ZNF557: variants seen among roughly 807,000 people sequenced by gnomAD.
ZNF557 encodes zinc finger protein 557, also known as CTB-25J19.9.
In ZNF557, 19 loss-of-function variants were observed where a neutral mutation model predicts 21.2. The observed-to-expected ratio is 0.90, with a 90% confidence interval of 0.63 to 1.32. The LOEUF (loss-of-function observed/expected upper bound fraction) is 1.32. Among genes scored for constraint, ZNF557 ranks in the 40% most tolerant of loss-of-function variants. ZNF557 has a pLI of 0.00. For synonymous variants in ZNF557, 207 were observed against 194.8 expected, an observed-to-expected ratio of 1.06 and a Z score of -0.52; for missense variants, 487 against 519.8, an observed-to-expected ratio of 0.94 and a Z score of 0.61.
intron 3 of ZNF557, 27 bp downstream of exon 3, chr19:7,075,132 C>G (rs1401546101): frequency 1.9e-5 from 30 of 1,613,832 alleles, no homozygotes; most frequent in Non-Finnish European, 2.3e-5. Context: ...TGGCAGTTCT[C>G]AGAGTCCAGG....
At chr19:7,070,537 C>T (rs1283223069) in intron 1 of ZNF557, 25 bp from the exon 2 acceptor site, 1 of 152,124 alleles carries the variant, frequency 6.6e-6, no homozygotes, top group African/African-American at 2.4e-5. Flanking sequence ...GCCTCATAAG[C>T]GATTTTTGTG....
chr19:7,079,363 TC>T (rs1267200900), intron 5 of ZNF557, among the ~76,000 whole-genome samples: 4 of 150,130 alleles, frequency 2.7e-5, no homozygotes, highest in Non-Finnish European at 4.4e-5. Flanking sequence ...TGCCTCAGCC[TC>T]CCGAGTAGCT....
intron 2 of ZNF557, among the ~76,000 whole-genome samples, chr19:7,072,100 A>G (rs535318313): frequency 7.5e-6 from 1 of 133,578 alleles, no homozygotes; most frequent in Admixed American, 8.2e-5. Context: ...TGGGTGACAG[A>G]GCGAGACTCC....
intron 5 of ZNF557, among the ~76,000 whole-genome samples, chr19:7,079,763 G>A (rs1239863251): frequency 2.0e-5 from 3 of 152,106 alleles, no homozygotes; most frequent in Non-Finnish European, 4.4e-5. Context: ...TGTTCAGCTT[G>A]GGATTAATTT....
chr19:7,078,841 T>G (rs909355190), intron 5 of ZNF557, among the ~76,000 whole-genome samples: 1 of 152,190 alleles, frequency 6.6e-6, no homozygotes, highest in Non-Finnish European at 1.5e-5. Context: ...TAGGCTCTGT[T>G]CATTTTTTTC....
rs1977846038 is a variant in ZNF557 at position 7,086,360 on chromosome 19, T to TC, written c.*2616_*2617insC. 6.7e-5 allele frequency: 3 copies of TC among 44,714 alleles called. No individual in the cohort carries two copies. The highest frequency in any genetic ancestry group is 1.2e-3 in the South Asian group (2 of 1,668). 2.8% of individuals were successfully genotyped at this position (44,714 alleles called of 1,614,324 possible). The stretch of plus-strand genomic sequence containing the variant: ...CTAATATAGCAAATACTGTTTCTTT[T>TC]TTTTTTTTTTTTTTTTTTTGAGACG... On this transcript the variant is annotated 3_prime_UTR_variant, in exon 8 of 8. Transcript: ENST00000252840.
At chr19:7,082,810 A>T in intron 7 of ZNF557, 68 bp from the exon 8 acceptor site, 2 of 1,457,642 alleles carry the variant, frequency 1.4e-6, no homozygotes, top group Non-Finnish European at 1.8e-6. Context: ...GGGAGAGGAA[A>T]TTCCTCTGAC....
chr19:7,072,667 C>T (rs959940100), intron 2 of ZNF557, among the ~76,000 whole-genome samples: 10 of 152,190 alleles, frequency 6.6e-5, no homozygotes, highest in Non-Finnish European at 1.2e-4. Flanking sequence ...GACCCTACCT[C>T]GACTCTCAAG....
In ZNF557 at chr19:7,083,906, G is replaced by A; in HGVS notation, c.*162G>A. On this transcript the variant is annotated 3_prime_UTR_variant, in exon 8 of 8. Transcript: ENST00000252840. ...ACTTGTTATCTCAAAATTTTTGTAG[G>A]TCAGGAATTCAGAAACAACATAGCT... 5.2e-6 allele frequency: 4 copies of A among 774,406 alleles called. No individual in the cohort carries two copies. Among genetic ancestry groups the A allele is most frequent in the Non-Finnish European group, 8.2e-6 (4 of 488,692 alleles). The allele number at this position is 774,406 out of a possible 1,614,324, so 48.0% of individuals were successfully genotyped here.
At position 7,087,358 on chromosome 19, in the gene ZNF557, T is replaced by C. The variant is rs1977883691; in HGVS notation, c.*3614T>C. ...GAGTTCGAGACCAGCCTGATCAACA[T>C]GGAGAAAACCTGTCTCTCCTAAAAA... On this transcript the variant is annotated 3_prime_UTR_variant, in exon 8 of 8. Transcript: ENST00000252840. 1 of 151,510 alleles carries C rather than the reference T, an allele frequency of 6.6e-6. No homozygotes were observed. The highest frequency in any genetic ancestry group is 1.5e-5 in the Non-Finnish European group (1 of 67,856). 9.4% of individuals were successfully genotyped at this position (151,510 alleles called of 1,614,324 possible).
At position 7,075,055 on chromosome 19, in the gene ZNF557, G is replaced by T; in HGVS notation, c.-20G>T. On this transcript the variant is annotated 5_prime_UTR_variant, in exon 3 of 8. Coordinates refer to ENST00000252840, the MANE Select transcript of ZNF557 (RefSeq NM_024341.3). ...GAGCGTCCTGCTTCCCGGCTGCCCT[G>T]TTGCTGTCGGAGTCACAGGATGGCG... is the stretch of plus-strand genomic sequence containing the variant. 1.2e-6 allele frequency: 2 copies of T among 1,614,086 alleles called. No homozygotes were observed. Among genetic ancestry groups the T allele is most frequent in the Non-Finnish European group, 1.7e-6 (2 of 1,180,004 alleles).
At position 7,086,060 on chromosome 19, in the gene ZNF557, C is replaced by G. The variant is rs1273924393; in HGVS notation, c.*2316C>G. The G allele has an allele frequency of 6.6e-6, 1 of 151,378 alleles. No homozygotes were observed. The highest frequency in any genetic ancestry group is 1.5e-5 in the Non-Finnish European group (1 of 67,838). 9.4% of individuals were successfully genotyped at this position (151,378 alleles called of 1,614,324 possible). On this transcript the variant is annotated 3_prime_UTR_variant, in exon 8 of 8. Transcript: ENST00000252840. The stretch of plus-strand genomic sequence containing the variant: ...GCCTGGCCAACATGGTGAAACCCCG[C>G]TTCTACTAAAAAATACAAAAATTAG...
rs1305317766 is a variant in ZNF557 at position 7,085,858 on chromosome 19, A to G, written c.*2114A>G. 6.6e-6 allele frequency: 1 copy of G among 152,182 alleles called. No individual in the cohort carries two copies. The highest frequency in any genetic ancestry group is 2.1e-4 in the South Asian group (1 of 4,830). 9.4% of individuals were successfully genotyped at this position (152,182 alleles called of 1,614,324 possible). ...TTTTATATACAGTGTATTTATTATAATTCTAAAACATCAATACACCAAATA... is the reference window on the plus strand; with the variant it reads ...TTTTATATACAGTGTATTTATTATAGTTCTAAAACATCAATACACCAAATA... On this transcript the variant is annotated 3_prime_UTR_variant, in exon 8 of 8. Transcript: ENST00000252840.
chr19:7,082,112 AGCCACAAGGACTGGCCTTGTTG>A (rs1284177019), intron 7 of ZNF557, 60 bp downstream of exon 7: 74 of 1,395,990 alleles, frequency 5.3e-5, no homozygotes, highest in Non-Finnish European at 1.0e-5. Flanking sequence ...ACATGAGAAA[AGCCACAAGGACTGGCCTTGTTG>A]GCCAGGCACA....
Position 7,081,970 on chromosome 19 carries a change from A to G in ZNF557, c.344A>G (p.Asp115Gly), listed in dbSNP as rs764448233. ...ERGILSGTCP[D>G]VENPFKAKGL... ...TAAATTTCTTTTTAACTTGTTTCAGATGTGGAGAATCCATTTAAAGCCAAA... is the reference window on the plus strand; with the variant it reads ...TAAATTTCTTTTTAACTTGTTTCAGGTGTGGAGAATCCATTTAAAGCCAAA... Residue 115 changes from aspartate (D) to glycine (G), a missense_variant and splice_region_variant, in exon 7 of 8, where the codon GAT becomes GGT. By Grantham distance (94) the Asp-to-Gly change is moderately conservative (BLOSUM62 -1). Coordinates refer to ENST00000252840, the MANE Select transcript of ZNF557 (RefSeq NM_024341.3). 2 of 1,612,270 alleles carry G rather than the reference A, an allele frequency of 1.2e-6. No individual in the cohort carries two copies. The highest frequency in any genetic ancestry group is 1.1e-5 in the South Asian group (1 of 90,994).
In ZNF557 at chr19:7,081,153, GTGTGTGTGTGTGT is replaced by G. The variant is rs1568409345; in HGVS notation, c.248-206_248-194del. On this transcript the variant is annotated intron_variant, in intron 5 of 7. Transcript: ENST00000252840. ...CCACCCTAGATATTGCTTGTGGGGT[GTGTGTGTGTGTGT>G]GTGTGTGTGTGTGTGTGTGTGTGTG... 7.4e-3 allele frequency among the ~76,000 whole-genome samples: 60 copies of G among 8,070 alleles called. No homozygotes were observed. In the East Asian group the frequency reaches 0.26, roughly 35 times the overall value. 5.3% of individuals were successfully genotyped at this position (8,070 alleles called of 152,430 possible). A position where few individuals can be genotyped will look rare whatever the true frequency, so the allele number is the denominator to read the frequency against.
chr19:7,070,515 T>A (rs1182045758), intron 1 of ZNF557, 47 bp from the exon 2 acceptor site: 1 of 152,178 alleles, frequency 6.6e-6, no homozygotes, highest in African/African-American at 2.4e-5. Context: ...TACATATTAC[T>A]CCCTACAAAA....
chr19:7,079,240 C>CTTTTTTTTTT (rs71177151), intron 5 of ZNF557, among the ~76,000 whole-genome samples: 7 of 87,446 alleles, frequency 8.0e-5, no homozygotes, highest in Non-Finnish European at 1.1e-4. Flanking sequence ...TTTTTTGTTT[C>CTTTTTTTTTT]TTTTTTTTTT....
At position 7,087,176 on chromosome 19, in the gene ZNF557, G is replaced by A. The variant is rs978051056; in HGVS notation, c.*3432G>A. On this transcript the variant is annotated 3_prime_UTR_variant, in exon 8 of 8. Coordinates refer to ENST00000252840, the MANE Select transcript of ZNF557 (RefSeq NM_024341.3). ...TTTTCTTTTCATTCTTTTGGAAAGT[G>A]GACACAAAGCATAGAGTTAAAAGAG... 7.5e-6 allele frequency: 1 copy of A among 132,708 alleles called. No homozygotes were observed. Among genetic ancestry groups the A allele is most frequent in the African/African-American group, 2.8e-5 (1 of 36,322 alleles). The allele number at this position is 132,708 out of a possible 1,614,324, so 8.2% of individuals were successfully genotyped here. A position where few individuals can be genotyped will look rare whatever the true frequency, so the allele number is the denominator to read the frequency against.
Sources: gnomAD v4.1 joint callset for allele counts (sites outside exome capture counted in the v4.1 genomes callset) on GRCh38, gnomAD v4.1.1 for gene constraint, MANE v1.5 for transcripts, NCBI Gene and HGNC (gene_info 2026-07-23, HGNC 2026-07-21) for gene names.